Variants in NLGN1 observed in about 807,000 individuals in gnomAD.
The protein encoded by NLGN1 is neuroligin 1.
Under a neutral mutation model 65.5 loss-of-function variants are expected in NLGN1, and 12 were observed. The ratio of observed to expected loss-of-function variants is 0.18; its 90% CI spans 0.12 to 0.30. NLGN1 has a LOEUF of 0.30. Among genes scored for constraint, NLGN1 ranks in the 10% least tolerant of loss-of-function variants. The probability of loss-of-function intolerance (pLI) is 1.00; values close to 1 mark genes in which losing one functional copy is unlikely to be tolerated. For missense variants in NLGN1, 750 were observed against 1,007.1 expected (o/e 0.74, Z 3.46); for synonymous variants, 350 against 359.5 (o/e 0.97, Z 0.30).
intron 3 of NLGN1, among the ~76,000 whole-genome samples, chr3:173,668,421 G>A (rs1577851734): frequency 6.6e-6 from 1 of 151,954 alleles, no homozygotes; most frequent in Admixed American, 6.5e-5. Context: ...GAAAAACGAA[G>A]AAATGATATT....
chr3:173,877,503 A>C (rs1045930422), intron 4 of NLGN1, among the ~76,000 whole-genome samples: 4 of 152,066 alleles, frequency 2.6e-5, no homozygotes, highest in East Asian at 3.9e-4. Flanking sequence ...AGTGAAAAAA[A>C]CCCTGCAGAA....
intron 3 of NLGN1, among the ~76,000 whole-genome samples, chr3:173,704,190 T>G (rs1767686186): frequency 6.6e-6 from 1 of 152,130 alleles, no homozygotes; most frequent in South Asian, 2.1e-4. Context: ...GAAGACAAAG[T>G]TGTTATAAGT....
At chr3:173,834,022 A>G (rs1169051953) in intron 4 of NLGN1, among the ~76,000 whole-genome samples, 2 of 152,032 alleles carry the variant, frequency 1.3e-5, no homozygotes, top group Non-Finnish European at 1.5e-5. Context: ...TTATTTTAGT[A>G]TGTAGAAAAT....
At chr3:173,628,989 T>C (rs991535047) in intron 3 of NLGN1, among the ~76,000 whole-genome samples, 2 of 129,652 alleles carry the variant, frequency 1.5e-5, no homozygotes, top group African/African-American at 6.4e-5. Flanking sequence ...ATAATATTTT[T>C]ATTACTTATC....
chr3:174,198,174 A>G (rs1391608418), intron 4 of NLGN1, among the ~76,000 whole-genome samples: 1 of 152,180 alleles, frequency 6.6e-6, no homozygotes, highest in African/African-American at 2.4e-5. Flanking sequence ...AATAGTAGTA[A>G]CAGAGAAGAA....
intron 2 of NLGN1, among the ~76,000 whole-genome samples, chr3:173,449,994 G>T (rs1721171668): frequency 6.6e-6 from 1 of 152,174 alleles, no homozygotes; most frequent in South Asian, 2.1e-4. Flanking sequence ...ACAGCACACA[G>T]ATGGGTGTTG....
At chr3:174,220,368 A>G (rs574430016) in intron 4 of NLGN1, among the ~76,000 whole-genome samples, 6 of 152,266 alleles carry the variant, frequency 3.9e-5, no homozygotes, top group African/African-American at 1.4e-4. Context: ...GGACTGTTTC[A>G]TACACTCTGG....
At chr3:173,493,556 T>G (rs1729520051) in intron 2 of NLGN1, among the ~76,000 whole-genome samples, 1 of 151,892 alleles carries the variant, frequency 6.6e-6, no homozygotes, top group South Asian at 2.1e-4. Flanking sequence ...GTGTTTACCA[T>G]GTGCTGGGTA....
intron 3 of NLGN1, among the ~76,000 whole-genome samples, chr3:173,671,166 TAGA>T: frequency 6.6e-6 from 1 of 152,242 alleles, no homozygotes; most frequent in Non-Finnish European, 1.5e-5. Context: ...TCTGAGCAAT[TAGA>T]AGAAGTAGCA....
At chr3:173,986,577 C>G in intron 4 of NLGN1, among the ~76,000 whole-genome samples, 1 of 152,022 alleles carries the variant, frequency 6.6e-6, no homozygotes, top group Non-Finnish European at 1.5e-5. Flanking sequence ...AAGAAGATGA[C>G]CAAGAAGGAA....
At position 173,461,222 on chromosome 3, in the gene NLGN1, G is replaced by C. The variant is rs117118622; in HGVS notation, c.-321+26144G>C. 2.6e-4 allele frequency among the ~76,000 whole-genome samples: 40 copies of C among 152,250 alleles called. No homozygotes were observed. The East Asian group carries it at 7.5e-3, about 29-fold the overall frequency. On this transcript the variant is annotated intron_variant, in intron 2 of 6. Coordinates refer to ENST00000457714, the Ensembl canonical transcript of NLGN1. ...TCCTTGATTCTGAATCAAAAGGGTG[G>C]TAAAGTACCAAATTCAGTTAGTGAT...
intron 4 of NLGN1, among the ~76,000 whole-genome samples, chr3:173,872,665 G>A (rs1449714520): frequency 1.3e-5 from 2 of 152,042 alleles, no homozygotes; most frequent in Non-Finnish European, 2.9e-5. Context: ...GTTTCTTCAG[G>A]GCTATAAGAA....
intron 2 of NLGN1, among the ~76,000 whole-genome samples, chr3:173,601,429 A>G (rs1056112523): frequency 2.6e-5 from 4 of 152,066 alleles, no homozygotes; most frequent in Non-Finnish European, 2.9e-5. Context: ...GATGACAGCT[A>G]TCCTGTTACT....
chr3:173,815,307 CCGTGT>C (rs1270528718), intron 4 of NLGN1, among the ~76,000 whole-genome samples: 2 of 151,986 alleles, frequency 1.3e-5, no homozygotes, highest in African/African-American at 4.8e-5. Flanking sequence ...TGGGGCTTCA[CCGTGT>C]TAGCAAGGAT....
intron 4 of NLGN1, among the ~76,000 whole-genome samples, chr3:173,924,686 T>C (rs1463842690): frequency 6.6e-6 from 1 of 151,970 alleles, no homozygotes; most frequent in Non-Finnish European, 1.5e-5. Flanking sequence ...TCAAAACAAT[T>C]TTTATAACAT....
chr3:173,502,804 A>T (rs1731369404), intron 2 of NLGN1, among the ~76,000 whole-genome samples: 1 of 152,078 alleles, frequency 6.6e-6, no homozygotes, highest in Non-Finnish European at 1.5e-5. Context: ...TTCCTATATG[A>T]CATTCACAAA....
intron 4 of NLGN1, among the ~76,000 whole-genome samples, chr3:173,890,358 G>T (rs1735103618): frequency 6.6e-6 from 1 of 152,114 alleles, no homozygotes; most frequent in Non-Finnish European, 1.5e-5. Flanking sequence ...GTGACCAACA[G>T]AATGCATTTA....
chr3:173,780,646 G>A (rs572490467), intron 3 of NLGN1, among the ~76,000 whole-genome samples: 1 of 152,026 alleles, frequency 6.6e-6, no homozygotes, highest in Admixed American at 6.6e-5. Context: ...TATAACTAGA[G>A]AAATTAAATA....
chr3:173,700,506 A>G (rs1766966345), intron 3 of NLGN1, among the ~76,000 whole-genome samples: 1 of 152,172 alleles, frequency 6.6e-6, no homozygotes, highest in African/African-American at 2.4e-5. Context: ...GTAGTGGTTT[A>G]TGTTTTCATA....
Sources: gnomAD v4.1 joint callset for allele counts (sites outside exome capture counted in the v4.1 genomes callset) on GRCh38, gnomAD v4.1.1 for gene constraint, MANE v1.5 for transcripts, NCBI Gene and HGNC (gene_info 2026-07-23, HGNC 2026-07-21) for gene names.